NCOA2: variants seen among roughly 807,000 people sequenced by gnomAD.
NCOA2 encodes nuclear receptor coactivator 2, also known as class E basic helix-loop-helix protein 75.
NCOA2 carries 21 observed loss-of-function variants against 145.1 expected under a neutral mutation model. The observed-to-expected ratio is 0.14, with a 90% confidence interval of 0.10 to 0.21. The LOEUF is 0.21. NCOA2 is among the 10% of genes least tolerant of loss of function. The pLI is 1.00. For synonymous variants in NCOA2, 619 were observed against 637.5 expected (o/e 0.97, Z 0.44); for missense variants, 1,472 against 1,837.6 (o/e 0.80, Z 3.64).
chr8:70,184,211 C>T (rs906028467), intron 4 of NCOA2, among the ~76,000 whole-genome samples: 1 of 152,198 alleles, frequency 6.6e-6, no homozygotes. Context: ...AAGGCTTTCT[C>T]TACACCTGAG....
At chr8:70,200,452 G>A (rs1231778969) in intron 4 of NCOA2, among the ~76,000 whole-genome samples, 1 of 152,138 alleles carries the variant, frequency 6.6e-6, no homozygotes, top group African/African-American at 2.4e-5. Context: ...GATGGATTTT[G>A]CACTGTAATT....
chr8:70,430,132 C>A, the NCOA2 span, among the ~76,000 whole-genome samples: 2 of 152,154 alleles, frequency 1.3e-5, no homozygotes, highest in South Asian at 4.1e-4. Flanking sequence ...GGATTACAGG[C>A]ATGAGCCACT....
intron 1 of NCOA2, among the ~76,000 whole-genome samples, chr8:70,363,737 G>A (rs984740548): frequency 3.9e-5 from 6 of 152,144 alleles, no homozygotes; most frequent in Non-Finnish European, 8.8e-5. Flanking sequence ...AGGAACTGAG[G>A]GTAGGGTTGG....
At chr8:70,344,475 G>A (rs1015896698) in intron 1 of NCOA2, among the ~76,000 whole-genome samples, 5 of 152,264 alleles carry the variant, frequency 3.3e-5, no homozygotes, top group East Asian at 1.9e-4. Flanking sequence ...CCTCTGGTCC[G>A]CTACAAAATA....
At chr8:70,416,155 A>G in the NCOA2 span, among the ~76,000 whole-genome samples, 1 of 151,810 alleles carries the variant, frequency 6.6e-6, no homozygotes, top group Non-Finnish European at 1.5e-5. Context: ...GGAAGTCTGG[A>G]AACAGAATTC....
intron 2 of NCOA2, among the ~76,000 whole-genome samples, chr8:70,248,034 A>G (rs1220277831): frequency 6.6e-6 from 1 of 152,186 alleles, no homozygotes; most frequent in African/African-American, 2.4e-5. Context: ...GCAATTTTAA[A>G]CTTTTTTCTT....
At chr8:70,392,955 T>A (rs191203228) in intron 1 of NCOA2, among the ~76,000 whole-genome samples, 2 of 152,278 alleles carry the variant, frequency 1.3e-5, no homozygotes, top group Admixed American at 1.3e-4. Context: ...AAATGTGGGA[T>A]TAAGCTCCCA....
In NCOA2 at chr8:70,304,855, G is replaced by GC. The variant is rs201779092; in HGVS notation, c.-76-8056dup. ...AAAGAAAGTGGACCAGAAGTAACTAGCTTTTTTTTTTTTTTTTTTGAGACA... is the reference window on the plus strand; with the variant it reads ...AAAGAAAGTGGACCAGAAGTAACTAGCCTTTTTTTTTTTTTTTTTTGAGACA... On this transcript the variant is annotated intron_variant, in intron 1 of 22. Transcript: ENST00000452400. Among the ~76,000 whole-genome samples the GC allele has an allele frequency of 2.4e-4, 33 of 139,080 alleles. 1 individual carries two copies. Among genetic ancestry groups the GC allele is most frequent in the Admixed American group, 6.3e-4 (9 of 14,178 alleles). 91.2% of individuals were successfully genotyped at this position (139,080 alleles called of 152,430 possible).
intron 2 of NCOA2, among the ~76,000 whole-genome samples, chr8:70,225,194 G>A (rs752249314): frequency 1.4e-4 from 21 of 152,104 alleles, no homozygotes; most frequent in Non-Finnish European, 2.5e-4. Flanking sequence ...GTAGGGAGAG[G>A]GTGGGGAATA....
chr8:70,287,227 G>C (rs1826299013), intron 2 of NCOA2, among the ~76,000 whole-genome samples: 1 of 152,092 alleles, frequency 6.6e-6, no homozygotes, highest in Admixed American at 6.5e-5. Context: ...CTGGGTGAAA[G>C]AGCAAGATCC....
In NCOA2 at chr8:70,306,524, A is replaced by C. The variant is rs894072338; in HGVS notation, c.-76-9724T>G. ...TTGAGATGAGCATTCCAACACCCTA[A>C]GCATACAGAATAACAGGAGCTACCT... On this transcript the variant is annotated intron_variant, in intron 1 of 22. Coordinates refer to ENST00000452400, the MANE Select transcript of NCOA2 (RefSeq NM_006540.4). Among the ~76,000 whole-genome samples the C allele has an allele frequency of 2.0e-5, 3 of 152,184 alleles. No homozygotes were observed. In the South Asian group the frequency reaches 6.2e-4, roughly 31 times the overall value.
At chr8:70,328,277 T>C (rs948618615) in intron 1 of NCOA2, among the ~76,000 whole-genome samples, 3 of 152,228 alleles carry the variant, frequency 2.0e-5, no homozygotes, top group Non-Finnish European at 4.4e-5. Flanking sequence ...ATAGATTATA[T>C]GTACCTGCTA....
At chr8:70,383,132 G>A (rs1185146144) in intron 1 of NCOA2, among the ~76,000 whole-genome samples, 1 of 152,214 alleles carries the variant, frequency 6.6e-6, no homozygotes, top group African/African-American at 2.4e-5. Flanking sequence ...AGATGTTCGT[G>A]CACACAGGTA....
At chr8:70,319,060 AT>A (rs1365109528) in intron 1 of NCOA2, among the ~76,000 whole-genome samples, 2 of 152,208 alleles carry the variant, frequency 1.3e-5, no homozygotes, top group East Asian at 3.9e-4. Context: ...AACTTTCCAC[AT>A]TAACATTCAC....
chr8:70,402,048 A>G (rs1475596453), intron 1 of NCOA2: 3 of 152,382 alleles, frequency 2.0e-5, no homozygotes, highest in Non-Finnish European at 2.9e-5. Context: ...GGGATGGACA[A>G]GAGTAGCTGG....
chr8:70,157,567 T>G (rs1812428646), intron 10 of NCOA2, among the ~76,000 whole-genome samples: 1 of 152,224 alleles, frequency 6.6e-6, no homozygotes, highest in Non-Finnish European at 1.5e-5. Flanking sequence ...ATCTTTCTCA[T>G]GAGTAGTTGA....
chr8:70,372,443 C>T (rs536527863), intron 1 of NCOA2, among the ~76,000 whole-genome samples: 1 of 152,272 alleles, frequency 6.6e-6, no homozygotes, highest in South Asian at 2.1e-4. Context: ...AAGCAATTAA[C>T]AAGTACAAAC....
intron 2 of NCOA2, among the ~76,000 whole-genome samples, chr8:70,290,590 G>C (rs1302007394): frequency 6.6e-6 from 1 of 152,058 alleles, no homozygotes. Flanking sequence ...AATTTGCAAA[G>C]CTTACTGTTA....
the NCOA2 span, among the ~76,000 whole-genome samples, chr8:70,436,219 T>C: frequency 6.6e-6 from 1 of 152,234 alleles, no homozygotes; most frequent in African/African-American, 2.4e-5. Flanking sequence ...GCCCAGACGT[T>C]GATTATTTGT....
Sources: gnomAD v4.1 joint callset for allele counts (sites outside exome capture counted in the v4.1 genomes callset) on GRCh38, gnomAD v4.1.1 for gene constraint, MANE v1.5 for transcripts, NCBI Gene and HGNC (gene_info 2026-07-23, HGNC 2026-07-21) for gene names.